Variants in GPC5 observed in about 807,000 individuals in gnomAD.
The protein encoded by GPC5 is glypican 5.
Under a neutral mutation model 53.9 loss-of-function variants are expected in GPC5, and 47 were observed. The ratio of observed to expected loss-of-function variants is 0.87; its 90% CI spans 0.69 to 1.11. The LOEUF is 1.11. Among genes scored for constraint, GPC5 ranks in the 50% most tolerant of loss-of-function variants. GPC5 has a pLI of 0.00. For synonymous variants in GPC5, 286 were observed against 263.3 expected, an observed-to-expected ratio of 1.09 and a Z score of -0.84; for missense variants, 748 against 713.1, an observed-to-expected ratio of 1.05 and a Z score of -0.56.
intron 7 of GPC5, among the ~76,000 whole-genome samples, chr13:92,469,230 A>C (rs1300087813): frequency 6.6e-6 from 1 of 151,784 alleles, no homozygotes; most frequent in Non-Finnish European, 1.5e-5. Context: ...TCTTTTTGAG[A>C]TGGAATATCG....
At chr13:92,719,218 C>T (rs1346480416) in intron 7 of GPC5, among the ~76,000 whole-genome samples, 1 of 149,632 alleles carries the variant, frequency 6.7e-6, no homozygotes, top group Non-Finnish European at 1.5e-5. Context: ...ATAAGCTTAT[C>T]TGATTCCCAG....
At chr13:92,182,025 G>T (rs1391135829) in intron 7 of GPC5, among the ~76,000 whole-genome samples, 2 of 152,062 alleles carry the variant, frequency 1.3e-5, no homozygotes, top group Non-Finnish European at 2.9e-5. Flanking sequence ...GAGCTGGGTT[G>T]GGAAACTAGA....
chr13:92,361,907 C>A (rs1031999366), intron 7 of GPC5, among the ~76,000 whole-genome samples: 1 of 151,524 alleles, frequency 6.6e-6, no homozygotes, highest in Admixed American at 6.6e-5. Flanking sequence ...TAATGACCTA[C>A]AGCTAACGAG....
intron 2 of GPC5, among the ~76,000 whole-genome samples, chr13:91,578,054 A>G (rs1026699655): frequency 6.6e-6 from 1 of 152,200 alleles, no homozygotes; most frequent in African/African-American, 2.4e-5. Flanking sequence ...CTCTGAGGAA[A>G]GCCAGCTGCC....
At chr13:92,552,895 T>G (rs764447257) in intron 7 of GPC5, among the ~76,000 whole-genome samples, 2 of 151,960 alleles carry the variant, frequency 1.3e-5, no homozygotes, top group Non-Finnish European at 2.9e-5. Flanking sequence ...CTCTCTTACT[T>G]CTAAAGATTC....
chr13:92,546,730 A>G (rs1465954846), intron 7 of GPC5, among the ~76,000 whole-genome samples: 1 of 152,230 alleles, frequency 6.6e-6, no homozygotes, highest in East Asian at 1.9e-4. Flanking sequence ...AGCCAAAAGA[A>G]CAAAGCTGGA....
intron 2 of GPC5, among the ~76,000 whole-genome samples, chr13:91,485,073 A>G (rs1186509767): frequency 1.3e-5 from 2 of 152,258 alleles, no homozygotes; most frequent in Non-Finnish European, 2.9e-5. Context: ...GAACTACTGA[A>G]TCAGAGTTTT....
At chr13:91,838,972 C>CATAAT (rs58603429) in intron 5 of GPC5, among the ~76,000 whole-genome samples, 58,454 of 151,522 alleles carry the variant, frequency 0.39, 12,207 homozygotes, top group East Asian at 0.64. Flanking sequence ...CGTATATACT[C>CATAAT]AAGGTTTTTG....
intron 7 of GPC5, among the ~76,000 whole-genome samples, chr13:92,703,003 A>G (rs1477497202): frequency 2.0e-5 from 3 of 151,648 alleles, no homozygotes; most frequent in Admixed American, 6.6e-5. Context: ...TTAAAATTCA[A>G]TTCTTCCCCC....
chr13:91,590,798 C>G (rs968871597), intron 2 of GPC5, among the ~76,000 whole-genome samples: 1 of 152,110 alleles, frequency 6.6e-6, no homozygotes, highest in African/African-American at 2.4e-5. Context: ...TTGTATTAAT[C>G]ACTGGTATGC....
rs555422627 is a variant in GPC5 at position 92,740,448 on chromosome 13, C to T, written c.1562-125834C>T. Among the ~76,000 whole-genome samples the T allele has an allele frequency of 4.1e-4, 62 of 152,188 alleles. 1 individual carries two copies. Among genetic ancestry groups the T allele is most frequent in the Admixed American group, 3.1e-3 (47 of 15,246 alleles). On this transcript the variant is annotated intron_variant, in intron 7 of 7. Coordinates refer to ENST00000377067, the MANE Select transcript of GPC5 (RefSeq NM_004466.6). ...AGATATTTTGTTACCGTGTTCTTAGCTACTGTCCAATTGTGAAATAGAGCC... is the reference window on the plus strand; with the variant it reads ...AGATATTTTGTTACCGTGTTCTTAGTTACTGTCCAATTGTGAAATAGAGCC...
intron 7 of GPC5, among the ~76,000 whole-genome samples, chr13:92,405,417 C>T (rs1471673787): frequency 6.6e-6 from 1 of 152,158 alleles, no homozygotes; most frequent in Non-Finnish European, 1.5e-5. Context: ...ATTTTTTTGT[C>T]ATCATAATAA....
At chr13:92,289,433 C>T (rs1209178039) in intron 7 of GPC5, among the ~76,000 whole-genome samples, 1 of 151,888 alleles carries the variant, frequency 6.6e-6, no homozygotes, top group African/African-American at 2.4e-5. Context: ...TGAATTAAGG[C>T]TTATGAATGA....
intron 4 of GPC5, among the ~76,000 whole-genome samples, chr13:91,751,838 A>ATGC (rs1169381774): frequency 6.6e-6 from 1 of 152,216 alleles, no homozygotes; most frequent in African/African-American, 2.4e-5. Flanking sequence ...ATGGTTTCCC[A>ATGC]TGCTCTTTCT....
intron 7 of GPC5, among the ~76,000 whole-genome samples, chr13:92,497,206 TG>T (rs1880011318): frequency 6.6e-6 from 1 of 152,190 alleles, no homozygotes; most frequent in Non-Finnish European, 1.5e-5. Context: ...TGCTATTGCC[TG>T]GGTTTTCTTC....
At chr13:91,743,193 A>G (rs921224952) in intron 4 of GPC5, among the ~76,000 whole-genome samples, 13 of 152,190 alleles carry the variant, frequency 8.5e-5, no homozygotes, top group African/African-American at 3.1e-4. Context: ...GAAAGTCAGT[A>G]AAGGTCTACA....
chr13:92,049,490 C>A (rs952357440), intron 6 of GPC5, among the ~76,000 whole-genome samples: 1 of 152,028 alleles, frequency 6.6e-6, no homozygotes, highest in Non-Finnish European at 1.5e-5. Context: ...ACCAGGAAAG[C>A]AGAAATTATA....
At chr13:92,810,671 T>C (rs1877260726) in intron 7 of GPC5, among the ~76,000 whole-genome samples, 1 of 151,956 alleles carries the variant, frequency 6.6e-6, no homozygotes, top group South Asian at 2.1e-4. Context: ...AGATACTTCA[T>C]ATAAGTGGAA....
At chr13:92,187,239 GCA>G (rs1190156918) in intron 7 of GPC5, among the ~76,000 whole-genome samples, 1 of 152,176 alleles carries the variant, frequency 6.6e-6, no homozygotes, top group Admixed American at 6.5e-5. Context: ...AGAATGGATT[GCA>G]GTAGGTTCTT....
Sources: allele counts gnomAD v4.1 joint callset (sites outside exome capture counted in the v4.1 genomes callset), GRCh38; gene constraint gnomAD v4.1.1; transcripts MANE v1.5; gene names NCBI Gene and HGNC (gene_info 2026-07-23, HGNC 2026-07-21).